Variants in PCDHA11 observed in about 807,000 individuals in gnomAD.
The protein encoded by PCDHA11 is protocadherin alpha-11.
In PCDHA11, 61 loss-of-function variants were observed where a neutral mutation model predicts 70.3. That is an observed-to-expected ratio of 0.87 (90% CI 0.71 to 1.07). The LOEUF (loss-of-function observed/expected upper bound fraction) is 1.07, where lower values mean the gene tolerates loss of function less well. Ranked by LOEUF, PCDHA11 falls within the 50% of genes least tolerant of loss-of-function variation. The probability of loss-of-function intolerance (pLI) is 0.00; values close to 1 mark genes in which losing one functional copy is unlikely to be tolerated. For missense variants in PCDHA11, 1,324 were observed against 1,237.5 expected (o/e 1.07, Z -1.05); for synonymous variants, 633 against 555.1 (o/e 1.14, Z -1.97).
intron 1 of PCDHA11, chr5:140,928,185 C>CA: frequency 1.2e-6 from 2 of 1,614,184 alleles, no homozygotes; most frequent in Non-Finnish European, 1.7e-6. Context: ...GAAGGACAAT[C>CA]ACTGTGTCAG....
intron 1 of PCDHA11, chr5:140,969,438 C>G: frequency 6.5e-7 from 1 of 1,546,540 alleles, no homozygotes; most frequent in African/African-American, 1.4e-5. Flanking sequence ...CAAGAGTTAT[C>G]TGGTAAACTG....
At chr5:140,875,130 C>T (rs2055283720) in intron 1 of PCDHA11, among the ~76,000 whole-genome samples, 1 of 151,894 alleles carries the variant, frequency 6.6e-6, no homozygotes, top group Admixed American at 6.6e-5. Context: ...TAACTAAACC[C>T]GCATTTATAA....
chr5:140,891,225 T>C (rs1554184733), intron 1 of PCDHA11, among the ~76,000 whole-genome samples: 1 of 152,222 alleles, frequency 6.6e-6, no homozygotes, highest in Non-Finnish European at 1.5e-5. Context: ...TTTATAATCA[T>C]CCTGTTCTGG....
intron 1 of PCDHA11, among the ~76,000 whole-genome samples, chr5:140,934,289 T>C (rs1584800076): frequency 6.6e-6 from 1 of 152,138 alleles, no homozygotes; most frequent in East Asian, 1.9e-4. Flanking sequence ...AGGGCATTCT[T>C]ACTGGTATTT....
Position 140,906,278 on chromosome 5 carries a change from C to T in PCDHA11, c.2391+34784C>T, listed in dbSNP as rs546102354. On this transcript the variant is annotated intron_variant, in intron 1 of 3. Coordinates refer to ENST00000398640, the MANE Select transcript of PCDHA11 (RefSeq NM_018902.5). ...ACCTCCTGAAATTATAGATAATCTT[C>T]AAATTAAGACAATAATAAGGTCATA... Among the ~76,000 whole-genome samples the T allele has an allele frequency of 4.6e-5, 7 of 152,270 alleles. No homozygotes were observed. In the South Asian group the frequency reaches 6.2e-4, roughly 14 times the overall value.
chr5:140,907,863 C>T (rs763021038), intron 1 of PCDHA11, among the ~76,000 whole-genome samples: 4 of 152,208 alleles, frequency 2.6e-5, no homozygotes, highest in African/African-American at 7.2e-5. Context: ...TGAGGCCAGC[C>T]GTTGGTGAGC....
intron 1 of PCDHA11, among the ~76,000 whole-genome samples, chr5:140,941,191 T>TTTCTTTCTTCCTTTCTTCCTTTC (rs1487503403): frequency 1.1e-5 from 1 of 93,258 alleles, no homozygotes; most frequent in African/African-American, 3.9e-5. Flanking sequence ...GCTTCTTTTT[T>TTTCTTTCTTCCTTTCTTCCTTTC]TTTCTTTCTT....
intron 1 of PCDHA11, among the ~76,000 whole-genome samples, chr5:140,965,094 A>G (rs1289535686): frequency 6.6e-6 from 1 of 152,236 alleles, no homozygotes; most frequent in Non-Finnish European, 1.5e-5. Context: ...TCCAGTCCAT[A>G]GCTAGAAAAT....
chr5:140,877,764 G>A, intron 1 of PCDHA11: 2 of 1,614,160 alleles, frequency 1.2e-6, no homozygotes, highest in Non-Finnish European at 1.7e-6. Context: ...CAGAGAGCCC[G>A]CCCAAGACGG....
In PCDHA11 at chr5:140,870,881, T is replaced by C. The variant is rs782030647; in HGVS notation, c.1778T>C (p.Val593Ala). 3.7e-6 allele frequency: 6 copies of C among 1,613,870 alleles called. No individual in the cohort carries two copies. The South Asian group carries it at 5.5e-5, about 15-fold the overall frequency. Residue 593 changes from valine to alanine, a missense_variant, in exon 1 of 4, where the codon GTG becomes GCG. Val to Ala is a moderately conservative substitution (Grantham distance 64). Transcript: ENST00000398640. ...GGTGCGGGCCACGTGGTGGCGAAGG[T>C]GCGCGCAGTGGATGCGGACTCAGGC... ...SVGAGHVVAK[V>A]RAVDADSGYN...
intron 1 of PCDHA11, chr5:140,875,365 A>T: frequency 6.9e-7 from 1 of 1,449,394 alleles, no homozygotes; most frequent in Non-Finnish European, 9.1e-7. Context: ...TGCTGGAAAA[A>T]ATTTACTAAA....
chr5:140,914,458 A>T (rs1294717004), intron 1 of PCDHA11, among the ~76,000 whole-genome samples: 2 of 152,004 alleles, frequency 1.3e-5, no homozygotes, highest in African/African-American at 4.8e-5. Flanking sequence ...TTTCCAGTCT[A>T]TGTGTATCTT....
intron 3 of PCDHA11, chr5:140,988,853 A>G (rs1216953693): frequency 1.3e-5 from 2 of 152,208 alleles, no homozygotes; most frequent in Non-Finnish European, 2.9e-5. Flanking sequence ...AAACCTATCC[A>G]GTCTCATGTG....
At chr5:140,872,840 A>G (rs1297929350) in intron 1 of PCDHA11, among the ~76,000 whole-genome samples, 4 of 152,198 alleles carry the variant, frequency 2.6e-5, no homozygotes, top group African/African-American at 9.6e-5. Context: ...AAAAAATTAA[A>G]TATATTAATG....
chr5:140,927,939 A>G (rs782391525), intron 1 of PCDHA11: 1 of 1,614,234 alleles, frequency 6.2e-7, no homozygotes, highest in Non-Finnish European at 8.5e-7. Flanking sequence ...CGAACCCAGT[A>G]CCTGAGGACG....
intron 1 of PCDHA11, chr5:140,877,875 C>T (rs2057379478): frequency 6.8e-7 from 1 of 1,475,090 alleles, no homozygotes; most frequent in Non-Finnish European, 9.0e-7. Context: ...TATTTGTTTC[C>T]TTGAAGAACT....
chr5:141,006,992 A>C (rs1187318452), intron 3 of PCDHA11, among the ~76,000 whole-genome samples: 3 of 152,196 alleles, frequency 2.0e-5, no homozygotes, highest in Non-Finnish European at 2.9e-5. Flanking sequence ...GGCTTAAAAT[A>C]TAAGTCTGCA....
intron 3 of PCDHA11, among the ~76,000 whole-genome samples, chr5:140,995,409 A>G (rs1056120944): frequency 2.6e-4 from 39 of 152,210 alleles, no homozygotes; most frequent in Admixed American, 6.5e-5. Flanking sequence ...TCGAGATTTC[A>G]TCACATTACT....
At chr5:140,898,894 G>A (rs1200031286) in intron 1 of PCDHA11, among the ~76,000 whole-genome samples, 5 of 152,102 alleles carry the variant, frequency 3.3e-5, no homozygotes, top group African/African-American at 9.7e-5. Context: ...TCTCCTTGAA[G>A]AGGTCCTTCA....
Sources: gnomAD v4.1 joint callset for allele counts (sites outside exome capture counted in the v4.1 genomes callset) on GRCh38, gnomAD v4.1.1 for gene constraint, MANE v1.5 for transcripts, NCBI Gene and HGNC (gene_info 2026-07-23, HGNC 2026-07-21) for gene names.